Variants in TSPAN11 observed in about 807,000 individuals in gnomAD.
TSPAN11 encodes tetraspanin-11.
Under a neutral mutation model 32.9 loss-of-function variants are expected in TSPAN11, and 29 were observed. That is an observed-to-expected ratio of 0.88 (90% CI 0.66 to 1.20). TSPAN11 has a LOEUF of 1.20. Ranked by LOEUF, TSPAN11 falls within the 50% of genes most tolerant of loss-of-function variation. The probability of loss-of-function intolerance (pLI) is 0.00; values close to 1 mark genes in which losing one functional copy is unlikely to be tolerated. For synonymous variants in TSPAN11, 140 were observed against 141.3 expected (o/e 0.99, Z 0.07); for missense variants, 283 against 329.1 (o/e 0.86, Z 1.08).
At position 30,957,239 on chromosome 12, in the gene TSPAN11, C is replaced by T. The variant is rs1011118115; in HGVS notation, c.84+3164C>T. Among the ~76,000 whole-genome samples, 241 of 143,788 alleles carry T rather than the reference C, an allele frequency of 1.7e-3. 4 individuals are homozygous for T. The highest frequency in any genetic ancestry group is 7.3e-3 in the Middle Eastern group (2 of 274). The allele number at this position is 143,788 out of a possible 152,430, so 94.3% of individuals were successfully genotyped here. ...CTGAATGGCCTGGGACCCCCCCCCC[C>T]CCCACACCATGGTCTTCTGCCCCTC... On this transcript the variant is annotated intron_variant, in intron 2 of 7. Transcript: ENST00000546076.
At chr12:30,949,401 G>A (rs1332997047) in intron 1 of TSPAN11, among the ~76,000 whole-genome samples, 1 of 152,172 alleles carries the variant, frequency 6.6e-6, no homozygotes, top group Non-Finnish European at 1.5e-5. Flanking sequence ...AGTTCCACAT[G>A]GCTGGGGAGG....
At chr12:30,954,243 T>C in intron 2 of TSPAN11, 168 bp downstream of exon 2, 1 of 632,078 alleles carries the variant, frequency 1.6e-6, no homozygotes, top group Non-Finnish European at 2.8e-6. Context: ...CATTTGCTAC[T>C]GAGAAAGAAG....
chr12:31,000,374 C>T (rs1164981837), downstream of TSPAN11, among the ~76,000 whole-genome samples: 1 of 152,230 alleles, frequency 6.6e-6, no homozygotes, highest in Non-Finnish European at 1.5e-5. Context: ...GGAGGATGCT[C>T]TTCCTTGGGG....
At chr12:30,966,787 T>A (rs1161606817) in intron 3 of TSPAN11, among the ~76,000 whole-genome samples, 1 of 152,192 alleles carries the variant, frequency 6.6e-6, no homozygotes, top group African/African-American at 2.4e-5. Flanking sequence ...CTCCAGCACC[T>A]AGCCCGGAAC....
At chr12:30,990,924 C>T (rs1939299794) in intron 7 of TSPAN11, among the ~76,000 whole-genome samples, 1 of 152,158 alleles carries the variant, frequency 6.6e-6, no homozygotes, top group Non-Finnish European at 1.5e-5. Flanking sequence ...ATGTCATCAT[C>T]ATTATCAGGA....
the TSPAN11 span, among the ~76,000 whole-genome samples, chr12:31,012,197 G>A: frequency 6.6e-6 from 1 of 152,240 alleles, no homozygotes; most frequent in Non-Finnish European, 1.5e-5. Flanking sequence ...TCTCCTGGCT[G>A]TGCACCGCTA....
intron 1 of TSPAN11, among the ~76,000 whole-genome samples, chr12:30,933,865 C>T (rs1937986525): frequency 6.6e-6 from 1 of 152,118 alleles, no homozygotes; most frequent in Non-Finnish European, 1.5e-5. Context: ...GATTTGAGGC[C>T]TAGAATGCTT....
chr12:30,963,592 C>T (rs183169245), intron 2 of TSPAN11, among the ~76,000 whole-genome samples: 23 of 152,342 alleles, frequency 1.5e-4, no homozygotes, highest in African/African-American at 4.6e-4. Context: ...AATTCACAGT[C>T]GGACCTGGAT....
rs1162975324 is a variant in TSPAN11 at position 30,959,051 on chromosome 12, C to A, written c.85-4775C>A. 2.6e-5 allele frequency among the ~76,000 whole-genome samples: 4 copies of A among 152,246 alleles called. No individual in the cohort carries two copies. In the East Asian group the frequency reaches 5.8e-4, roughly 22 times the overall value. ...ACAGCCATAAAGCAGGAAAGAGAAA[C>A]ACTAGCTGTTGCCCCAGAAGCTCGG... is the stretch of plus-strand genomic sequence containing the variant. On this transcript the variant is annotated intron_variant, in intron 2 of 7. Coordinates refer to ENST00000546076, the MANE Select transcript of TSPAN11 (RefSeq NM_001370302.1).
chr12:30,981,773 C>G (rs1939097535), intron 5 of TSPAN11, among the ~76,000 whole-genome samples: 1 of 152,206 alleles, frequency 6.6e-6, no homozygotes, highest in South Asian at 2.1e-4. Context: ...ATAGTAGCTG[C>G]CTAGCAAACT....
intron 1 of TSPAN11, among the ~76,000 whole-genome samples, chr12:30,943,407 A>G (rs1565789822): frequency 6.6e-6 from 1 of 152,244 alleles, no homozygotes; most frequent in Admixed American, 6.5e-5. Flanking sequence ...TGATGATTCC[A>G]TCATGGGATT....
chr12:30,954,496 A>T (rs1231738332), intron 2 of TSPAN11: 1 of 205,684 alleles, frequency 4.9e-6, no homozygotes, highest in Non-Finnish European at 9.8e-6. Flanking sequence ...GGGCAGAGAA[A>T]CAGAAGTCCT....
At chr12:30,937,243 G>A (rs1938064679) in intron 1 of TSPAN11, among the ~76,000 whole-genome samples, 1 of 152,158 alleles carries the variant, frequency 6.6e-6, no homozygotes, top group Non-Finnish European at 1.5e-5. Flanking sequence ...AAGCTTCAGA[G>A]GAAGAAAGAT....
the TSPAN11 span, among the ~76,000 whole-genome samples, chr12:31,008,664 A>G: frequency 3.3e-5 from 5 of 152,332 alleles, no homozygotes; most frequent in Admixed American, 1.3e-4. Flanking sequence ...TCCTCCTGGG[A>G]GGCAGCCCGC....
Position 30,954,056 on chromosome 12 carries a change from T to A in TSPAN11, c.65T>A (p.Val22Asp). 1.2e-6 allele frequency: 2 copies of A among 1,613,472 alleles called. No individual in the cohort carries two copies. The highest frequency in any genetic ancestry group is 1.7e-6 in the Non-Finnish European group (2 of 1,179,604). ...LIIYLKYLLF[V>D]FNFFFWVGGA... The stretch of plus-strand genomic sequence containing the variant: ...ATCTACTTGAAGTATTTACTCTTTG[T>A]CTTCAACTTCTTCTTCTGGGTGAGT... The change falls in exon 2 of 8, where the codon GTC (valine) becomes GAC (aspartate). Residue 22 changes from valine (V) to aspartate (D), a missense_variant. By Grantham distance (152) the Val-to-Asp change is radical (BLOSUM62 -3). Transcript: ENST00000546076.
intron 7 of TSPAN11, 36 bp downstream of exon 7, chr12:30,983,186 G>A (rs762969568): frequency 1.9e-6 from 3 of 1,580,840 alleles, no homozygotes; most frequent in Non-Finnish European, 2.6e-6. Context: ...GGGGTGGAAG[G>A]GCTCTGAACC....
chr12:30,957,034 CTT>C (rs1938492175), intron 2 of TSPAN11, among the ~76,000 whole-genome samples: 1 of 152,224 alleles, frequency 6.6e-6, no homozygotes, highest in Non-Finnish European at 1.5e-5. Context: ...AGTGCGATGA[CTT>C]GAGAGCATCA....
At chr12:30,967,263 G>A (rs1050880158) in intron 3 of TSPAN11, among the ~76,000 whole-genome samples, 1 of 152,212 alleles carries the variant, frequency 6.6e-6, no homozygotes, top group Non-Finnish European at 1.5e-5. Context: ...GTCTCAACCT[G>A]GCTGTCACTT....
chr12:30,999,371 AT>A (rs1393386202), downstream of TSPAN11: 1 of 152,184 alleles, frequency 6.6e-6, no homozygotes, highest in Non-Finnish European at 1.5e-5. Flanking sequence ...AAGAAAAGAA[AT>A]AAAAGAAAAT....
Sources: allele counts gnomAD v4.1 joint callset (sites outside exome capture counted in the v4.1 genomes callset), GRCh38; gene constraint gnomAD v4.1.1; transcripts MANE v1.5; gene names NCBI Gene and HGNC (gene_info 2026-07-23, HGNC 2026-07-21).